MAGI2: variants seen among roughly 807,000 people sequenced by gnomAD.
MAGI2 encodes membrane associated guanylate kinase, WW and PDZ domain containing 2.
A neutral mutation model predicts 133.3 loss-of-function variants in MAGI2; 35 were observed. The observed-to-expected ratio is 0.26, with a 90% CI of 0.20 to 0.35. The LOEUF is 0.35. MAGI2 is among the 10% of genes least tolerant of loss of function. The pLI is 1.00. For synonymous variants in MAGI2, 729 were observed against 710.6 expected, an observed-to-expected ratio of 1.03 and a Z score of -0.41; for missense variants, 1,636 against 1,863.4, an observed-to-expected ratio of 0.88 and a Z score of 2.25.
chr7:78,549,042 A>G (rs927274254), intron 3 of MAGI2, among the ~76,000 whole-genome samples: 1 of 152,210 alleles, frequency 6.6e-6, no homozygotes, highest in African/African-American at 2.4e-5. Context: ...CTATAAATAG[A>G]TTGCTAATAA....
chr7:78,354,280 T>A (rs1348926714), intron 7 of MAGI2, among the ~76,000 whole-genome samples: 1 of 152,226 alleles, frequency 6.6e-6, no homozygotes, highest in African/African-American at 2.4e-5. Flanking sequence ...AAATTACTTA[T>A]GAGTTGCTAA....
In MAGI2 at chr7:78,103,428, T is replaced by C. The variant is rs145038004; in HGVS notation, c.3567+22266A>G. 5.3e-4 allele frequency among the ~76,000 whole-genome samples: 81 copies of C among 152,372 alleles called. No individual in the cohort carries two copies. The East Asian group carries it at 0.013, about 24-fold the overall frequency. ...TCATAATTAATGATCCTTCCGACAC[T>C]TCCCTCTCTTTTTCATCATCATCAT... On this transcript the variant is annotated intron_variant, in intron 20 of 21. Coordinates refer to ENST00000354212, the MANE Select transcript of MAGI2 (RefSeq NM_012301.4).
intron 3 of MAGI2, among the ~76,000 whole-genome samples, chr7:78,545,273 C>G (rs1798738877): frequency 7.1e-6 from 1 of 140,076 alleles, no homozygotes; most frequent in African/African-American, 2.7e-5. Flanking sequence ...AGAGCAGTGG[C>G]TCGATCTCTG....
chr7:78,805,082 AT>A (rs1228209572), intron 2 of MAGI2, among the ~76,000 whole-genome samples: 3 of 151,892 alleles, frequency 2.0e-5, no homozygotes, highest in Non-Finnish European at 4.4e-5. Flanking sequence ...AAATAAAAAA[AT>A]AAAAAAAAAT....
intron 9 of MAGI2, among the ~76,000 whole-genome samples, chr7:78,318,065 C>T (rs1054132785): frequency 1.2e-4 from 18 of 152,312 alleles, no homozygotes; most frequent in Admixed American, 8.5e-4. Flanking sequence ...TGCCTCTTCT[C>T]CTCCAAAGGA....
intron 1 of MAGI2, among the ~76,000 whole-genome samples, chr7:79,131,986 T>C (rs1011241442): frequency 3.9e-5 from 6 of 152,152 alleles, no homozygotes; most frequent in Non-Finnish European, 8.8e-5. Flanking sequence ...ATTTTTCCTC[T>C]AGCTTTTATA....
At chr7:78,706,685 C>T (rs1276264944) in intron 2 of MAGI2, among the ~76,000 whole-genome samples, 1 of 152,066 alleles carries the variant, frequency 6.6e-6, no homozygotes, top group Non-Finnish European at 1.5e-5. Context: ...AAATTATCGA[C>T]TCCTATATTC....
intron 10 of MAGI2, among the ~76,000 whole-genome samples, chr7:78,243,944 A>G (rs1025389374): frequency 1.1e-4 from 16 of 152,014 alleles, no homozygotes; most frequent in Non-Finnish European, 1.9e-4. Flanking sequence ...GCATCAGCCA[A>G]TAAATTATTT....
intron 9 of MAGI2, among the ~76,000 whole-genome samples, chr7:78,278,646 TTAAG>T (rs532308008): frequency 2.0e-5 from 3 of 152,132 alleles, no homozygotes; most frequent in Non-Finnish European, 4.4e-5. Context: ...TTAACTGACT[TTAAG>T]TAAAGGAGAT....
chr7:78,899,066 C>T (rs187631860), intron 2 of MAGI2, among the ~76,000 whole-genome samples: 74 of 152,192 alleles, frequency 4.9e-4, no homozygotes, highest in African/African-American at 1.7e-3. Context: ...CTGGCTTCTC[C>T]AGGCAAACTC....
chr7:79,416,560 T>A (rs374170564), intron 1 of MAGI2, among the ~76,000 whole-genome samples: 1 of 151,822 alleles, frequency 6.6e-6, no homozygotes, highest in African/African-American at 2.4e-5. Context: ...GAAATATATA[T>A]GGGGAAATGA....
intron 10 of MAGI2, among the ~76,000 whole-genome samples, chr7:78,224,801 A>T (rs1789203067): frequency 6.6e-6 from 1 of 151,080 alleles, no homozygotes; most frequent in Admixed American, 6.6e-5. Context: ...AACAGTCTCC[A>T]TTCCCACCAA....
chr7:78,808,266 A>AT (rs1360853053), intron 2 of MAGI2, among the ~76,000 whole-genome samples: 2 of 151,566 alleles, frequency 1.3e-5, no homozygotes, highest in Non-Finnish European at 2.9e-5. Context: ...TTAATTTATT[A>AT]TTTTTTTTGA....
At position 79,453,374 on chromosome 7, in the gene MAGI2, G is replaced by C; in HGVS notation, c.-54C>G. On this transcript the variant is annotated 5_prime_UTR_variant, in exon 1 of 22. Coordinates refer to ENST00000354212, the MANE Select transcript of MAGI2 (RefSeq NM_012301.4). The stretch of plus-strand genomic sequence containing the variant: ...GGGCTCCTTGGGGTTAGGGGGGCTG[G>C]TGGTGAGAGAATGAGGATGGAGGAG... The C allele has an allele frequency of 6.5e-7, 1 of 1,539,744 alleles. No homozygotes were observed. Among genetic ancestry groups the C allele is most frequent in the Non-Finnish European group, 8.7e-7 (1 of 1,146,496 alleles).
intron 2 of MAGI2, among the ~76,000 whole-genome samples, chr7:78,848,783 A>G (rs1420311352): frequency 6.6e-6 from 1 of 152,020 alleles, no homozygotes; most frequent in Non-Finnish European, 1.5e-5. Context: ...AAAATATATC[A>G]TCCTAGAAGT....
chr7:79,186,146 T>C (rs959257180), intron 1 of MAGI2, among the ~76,000 whole-genome samples: 5 of 147,496 alleles, frequency 3.4e-5, no homozygotes, highest in Non-Finnish European at 6.0e-5. Flanking sequence ...ATTTTTACCA[T>C]TTGTTTCCCA....
intron 2 of MAGI2, among the ~76,000 whole-genome samples, chr7:78,699,541 G>T (rs1817856049): frequency 6.6e-6 from 1 of 152,144 alleles, no homozygotes; most frequent in Admixed American, 6.6e-5. Context: ...TTATGTATAT[G>T]CAGATATTCT....
intron 2 of MAGI2, among the ~76,000 whole-genome samples, chr7:78,728,691 A>C (rs1239453292): frequency 8.9e-5 from 11 of 123,368 alleles, no homozygotes; most frequent in Admixed American, 2.6e-4. Flanking sequence ...TCAGCCTCCC[A>C]AGTAGCTGGG....
intron 2 of MAGI2, among the ~76,000 whole-genome samples, chr7:78,974,784 C>T (rs1804096113): frequency 6.6e-6 from 1 of 151,786 alleles, no homozygotes; most frequent in African/African-American, 2.4e-5. Flanking sequence ...GTATCCTAGA[C>T]ACTGTATGGC....
Sources: allele counts gnomAD v4.1 joint callset (sites outside exome capture counted in the v4.1 genomes callset), GRCh38; gene constraint gnomAD v4.1.1; transcripts MANE v1.5; gene names NCBI Gene and HGNC (gene_info 2026-07-23, HGNC 2026-07-21).